Variants in CHLSN observed in about 807,000 individuals in gnomAD.
CHLSN encodes the protein cholesin.
chr7:999,320 C>G, the CHLSN span, among the ~76,000 whole-genome samples: 5 of 152,252 alleles, frequency 3.3e-5, no homozygotes, highest in Non-Finnish European at 7.3e-5. Flanking sequence ...CTGGAATCAG[C>G]TGCGCCGGGC....
the CHLSN span, among the ~76,000 whole-genome samples, chr7:1,044,407 C>G: frequency 7.9e-5 from 12 of 152,220 alleles, no homozygotes; most frequent in African/African-American, 2.9e-4. Context: ...ACCGCCACCG[C>G]CCCCCAACCT....
the CHLSN span, among the ~76,000 whole-genome samples, chr7:1,129,319 GCGCCA>G: frequency 6.9e-4 from 16 of 23,234 alleles, 5 homozygotes; most frequent in African/African-American, 8.6e-3. Flanking sequence ...GAGTGCAGTG[GCGCCA>G]TCTCGGCTCA....
chr7:1,111,147 A>C, the CHLSN span, among the ~76,000 whole-genome samples: 1 of 152,254 alleles, frequency 6.6e-6, no homozygotes, highest in Non-Finnish European at 1.5e-5. Context: ...CTGCCTGTCT[A>C]ATCTGTGGTA....
chr7:1,017,865 C>G, the CHLSN span, among the ~76,000 whole-genome samples: 2 of 152,246 alleles, frequency 1.3e-5, no homozygotes, highest in African/African-American at 4.8e-5. Flanking sequence ...AAACCACACC[C>G]GCCTTGGTGG....
the CHLSN span, among the ~76,000 whole-genome samples, chr7:1,098,458 G>A: frequency 2.2e-4 from 34 of 152,366 alleles, no homozygotes; most frequent in African/African-American, 7.5e-4. Flanking sequence ...GGAACAAAGC[G>A]TGGACCACAC....
At chr7:1,122,432 C>CGT in the CHLSN span, among the ~76,000 whole-genome samples, 1 of 152,226 alleles carries the variant, frequency 6.6e-6, no homozygotes, top group African/African-American at 2.4e-5. Flanking sequence ...GCTGGCTCTG[C>CGT]ATGGGGTGGT....
At chr7:1,006,570 G>A in the CHLSN span, among the ~76,000 whole-genome samples, 21 of 149,474 alleles carry the variant, frequency 1.4e-4, 1 homozygote, top group Admixed American at 2.7e-4. Flanking sequence ...AAGAGCGCAC[G>A]ACGGCCACAG....
the CHLSN span, among the ~76,000 whole-genome samples, chr7:1,067,512 AC>A: frequency 3.1e-5 from 2 of 65,508 alleles, no homozygotes; most frequent in Admixed American, 1.5e-4. Flanking sequence ...GCTGGAATAC[AC>A]CCAGAGGTGA....
chr7:1,096,859 T>A, the CHLSN span, among the ~76,000 whole-genome samples: 1 of 152,156 alleles, frequency 6.6e-6, no homozygotes. This position sits in a 1 kb window ranked among gnomAD's most constrained non-coding sequence, Gnocchi z 4.6. Context: ...ACGCGCCCAC[T>A]CACCTGCAGT....
At chr7:1,053,033 A>G in the CHLSN span, among the ~76,000 whole-genome samples, 2 of 152,200 alleles carry the variant, frequency 1.3e-5, no homozygotes, top group South Asian at 2.1e-4. Context: ...AGCAGAGTGC[A>G]TGGCTGACGG....
the CHLSN span, among the ~76,000 whole-genome samples, chr7:1,078,553 T>C: frequency 6.6e-6 from 1 of 152,042 alleles, no homozygotes; most frequent in South Asian, 2.1e-4. Flanking sequence ...CACACTCCCG[T>C]GACCACAGGC....
the CHLSN span, among the ~76,000 whole-genome samples, chr7:1,050,335 CTCAGA>C: frequency 2.0e-5 from 3 of 152,254 alleles, no homozygotes; most frequent in African/African-American, 7.2e-5. Context: ...TTTGCTCAGG[CTCAGA>C]GCAGAGCAGG....
At chr7:1,099,483 C>CTTAA in the CHLSN span, among the ~76,000 whole-genome samples, 3 of 152,264 alleles carry the variant, frequency 2.0e-5, no homozygotes, top group African/African-American at 7.2e-5. Flanking sequence ...TATTGTAAAG[C>CTTAA]TTCTAATTAA....
the CHLSN span, among the ~76,000 whole-genome samples, chr7:1,019,436 C>T: frequency 6.6e-6 from 1 of 152,224 alleles, no homozygotes; most frequent in African/African-American, 2.4e-5. Context: ...CTGCTCTGGG[C>T]CAGAAGGAGA....
the CHLSN span, among the ~76,000 whole-genome samples, chr7:1,134,150 G>A: frequency 3.9e-5 from 6 of 152,108 alleles, no homozygotes; most frequent in African/African-American, 1.4e-4. Context: ...GTGCGTGCCT[G>A]TAGTCCCAGC....
chr7:1,040,435 C>T, the CHLSN span, among the ~76,000 whole-genome samples: 2 of 152,148 alleles, frequency 1.3e-5, no homozygotes, highest in East Asian at 3.9e-4. Context: ...TTCAAGGCTA[C>T]AGTGAGCTAT....
At chr7:1,008,569 C>T in the CHLSN span, among the ~76,000 whole-genome samples, 4 of 152,184 alleles carry the variant, frequency 2.6e-5, no homozygotes, top group Non-Finnish European at 4.4e-5. Context: ...ATCCACCCAA[C>T]GCTATGGCTG....
the CHLSN span, chr7:986,690 G>A: frequency 9.9e-6 from 16 of 1,612,458 alleles, no homozygotes; most frequent in African/African-American, 5.3e-5. Context: ...GCGCAAGATC[G>A]AGGAGGTCCG....
At chr7:1,033,592 C>T in the CHLSN span, among the ~76,000 whole-genome samples, 1 of 152,104 alleles carries the variant, frequency 6.6e-6, no homozygotes, top group Non-Finnish European at 1.5e-5. Flanking sequence ...ATATAATGCA[C>T]CCTATCAACA....
Sources: allele counts gnomAD v4.1 joint callset (sites outside exome capture counted in the v4.1 genomes callset), GRCh38; gene constraint gnomAD v4.1.1; non-coding constraint Gnocchi (gnomAD v3.1); transcripts MANE v1.5; gene names NCBI Gene and HGNC (gene_info 2026-07-23, HGNC 2026-07-21).